KIF15: variants seen among roughly 807,000 people sequenced by gnomAD.
KIF15 encodes the protein kinesin-like protein KIF15.
KIF15 carries 140 observed loss-of-function variants against 190.6 expected under a neutral mutation model. The observed-to-expected ratio is 0.73, with a 90% CI of 0.64 to 0.84. The LOEUF (loss-of-function observed/expected upper bound fraction) is 0.84, where lower values mean the gene tolerates loss of function less well. KIF15 is among the 40% of genes least tolerant of loss of function. The pLI is 0.00. For synonymous variants in KIF15, 528 were observed against 551.3 expected, an observed-to-expected ratio of 0.96 and a Z score of 0.59; for missense variants, 1,372 against 1,584.4, an observed-to-expected ratio of 0.87 and a Z score of 2.28.
At chr3:44,809,143 T>G (rs1452746921) in intron 16 of KIF15, among the ~76,000 whole-genome samples, 4 of 152,238 alleles carry the variant, frequency 2.6e-5, no homozygotes, top group African/African-American at 9.6e-5. Flanking sequence ...ATTGTCATGC[T>G]TGTTAATGTT....
intron 20 of KIF15, among the ~76,000 whole-genome samples, chr3:44,823,614 C>T (rs1287655058): frequency 1.3e-5 from 2 of 152,214 alleles, no homozygotes; most frequent in Non-Finnish European, 2.9e-5. Context: ...GCTCTGCCCC[C>T]ACAGGTGGAA....
At chr3:44,778,950 A>G (rs1706028198) in intron 4 of KIF15, among the ~76,000 whole-genome samples, 1 of 128,870 alleles carries the variant, frequency 7.8e-6, no homozygotes, top group Admixed American at 9.9e-5. Context: ...ACTGCACTCC[A>G]GCCTGGGTGA....
chr3:44,853,546 A>G (rs796520180), downstream of KIF15, among the ~76,000 whole-genome samples: 9 of 152,376 alleles, frequency 5.9e-5, no homozygotes, highest in African/African-American at 2.2e-4. Context: ...CATATATTTC[A>G]TATCTCTTGA....
rs532240253 is a variant in KIF15 at position 44,763,432 on chromosome 3, G to C, written c.19+1548G>C. ...TTCTCCTGCCTGAGTCTCCCAAGTAGCTGGGATTACAGGCACGCGCCACCA... is the reference window on the plus strand; with the variant it reads ...TTCTCCTGCCTGAGTCTCCCAAGTACCTGGGATTACAGGCACGCGCCACCA... On this transcript the variant is annotated intron_variant, in intron 1 of 34. Transcript: ENST00000326047. Among the ~76,000 whole-genome samples, 5 of 152,260 alleles carry C rather than the reference G, an allele frequency of 3.3e-5. No homozygotes were observed. The South Asian group carries it at 1.0e-3, about 32-fold the overall frequency.
At chr3:44,806,767 A>T (rs1707521128) in intron 16 of KIF15, among the ~76,000 whole-genome samples, 1 of 151,964 alleles carries the variant, frequency 6.6e-6, no homozygotes, top group Non-Finnish European at 1.5e-5. Flanking sequence ...TTTTTTTAAG[A>T]CAGAGTCTTG....
intron 6 of KIF15, among the ~76,000 whole-genome samples, chr3:44,860,835 T>G (rs1433270229): frequency 1.3e-5 from 2 of 151,740 alleles, no homozygotes; most frequent in African/African-American, 2.4e-5. Flanking sequence ...CATATACATA[T>G]TCTATAATTT....
At chr3:44,864,876 A>G (rs921677594) in intron 6 of KIF15, among the ~76,000 whole-genome samples, 3 of 151,982 alleles carry the variant, frequency 2.0e-5, no homozygotes, top group Admixed American at 6.6e-5. Flanking sequence ...TGCAGGGGAG[A>G]TTGAATAGAG....
intron 29 of KIF15, among the ~76,000 whole-genome samples, chr3:44,842,167 T>C (rs1325233215): frequency 6.6e-6 from 1 of 152,256 alleles, no homozygotes; most frequent in Non-Finnish European, 1.5e-5. Context: ...ACTGGACTTT[T>C]TCTTATTGAT....
intron 1 of KIF15, among the ~76,000 whole-genome samples, chr3:44,766,194 A>G (rs1339022374): frequency 2.0e-5 from 3 of 152,114 alleles, no homozygotes; most frequent in Non-Finnish European, 2.9e-5. Flanking sequence ...TTGGGAAGAG[A>G]TTAGGAGTTA....
chr3:44,834,698 G>T (rs1698222291), intron 26 of KIF15, among the ~76,000 whole-genome samples: 1 of 151,882 alleles, frequency 6.6e-6, no homozygotes, highest in African/African-American at 2.4e-5. Flanking sequence ...GCTGAGGTAG[G>T]TGGATCACAA....
At chr3:44,862,132 C>CTGTTGG in intron 6 of KIF15, 1 of 425,828 alleles carries the variant, frequency 2.3e-6, no homozygotes, top group East Asian at 1.5e-4. Context: ...GCCCGGGGCG[C>CTGTTGG]TGTTGGTGCT....
chr3:44,769,738 CA>C (rs1705565084), intron 1 of KIF15, among the ~76,000 whole-genome samples: 1 of 151,934 alleles, frequency 6.6e-6, no homozygotes, highest in Non-Finnish European at 1.5e-5. Flanking sequence ...AAATATGTCT[CA>C]GGGGTTGTAT....
At chr3:44,785,872 T>A (rs1559532179) in intron 6 of KIF15, among the ~76,000 whole-genome samples, 1 of 152,150 alleles carries the variant, frequency 6.6e-6, no homozygotes, top group Non-Finnish European at 1.5e-5. Flanking sequence ...TGTGGAGGCC[T>A]CTAGGGTGCC....
chr3:44,847,668 G>A (rs772712928), intron 30 of KIF15, among the ~76,000 whole-genome samples: 18 of 152,050 alleles, frequency 1.2e-4, no homozygotes, highest in Admixed American at 6.6e-5. Context: ...GTTCACATTC[G>A]ATCTTCAGAT....
chr3:44,841,802 CT>C (rs1472831102), intron 29 of KIF15, among the ~76,000 whole-genome samples: 1 of 152,214 alleles, frequency 6.6e-6, no homozygotes, highest in Non-Finnish European at 1.5e-5. Flanking sequence ...CCTTCTACCC[CT>C]GATACTAATC....
In KIF15 at chr3:44,830,714, G is replaced by GT. The variant is rs565048751; in HGVS notation, c.3049-182_3049-181insT. 1.1e-4 allele frequency among the ~76,000 whole-genome samples: 17 copies of GT among 152,178 alleles called. No individual in the cohort carries two copies. In the East Asian group the frequency reaches 3.3e-3, roughly 29 times the overall value. ...TGTGTTTTTTTCACTGATACTTAGA[G>GT]GACTTTTCCATTTCTCTTCACCATT... is the stretch of plus-strand genomic sequence containing the variant. On this transcript the variant is annotated intron_variant, in intron 25 of 34. Transcript: ENST00000326047.
At chr3:44,841,389 TA>T in intron 29 of KIF15, 151 bp downstream of exon 29, 1 of 574,636 alleles carries the variant, frequency 1.7e-6, no homozygotes, top group Non-Finnish European at 3.0e-6. Flanking sequence ...CCAGTAAATT[TA>T]ATTTTTTTTT....
At chr3:44,790,837 C>T (rs1706663797) in intron 7 of KIF15, among the ~76,000 whole-genome samples, 1 of 151,864 alleles carries the variant, frequency 6.6e-6, no homozygotes, top group Non-Finnish European at 1.5e-5. Context: ...GGACTACAGG[C>T]ATGCGCCACC....
intron 8 of KIF15, among the ~76,000 whole-genome samples, chr3:44,796,459 G>T (rs1232789406): frequency 6.6e-6 from 1 of 152,144 alleles, no homozygotes; most frequent in Non-Finnish European, 1.5e-5. Context: ...TGGGAAGTAG[G>T]TGCTATTCTT....
Sources: gnomAD v4.1 joint callset for allele counts (sites outside exome capture counted in the v4.1 genomes callset) on GRCh38, gnomAD v4.1.1 for gene constraint, MANE v1.5 for transcripts, NCBI Gene and HGNC (gene_info 2026-07-23, HGNC 2026-07-21) for gene names.